The following TUBA1C variants were observed in gnomAD, a reference collection of about 807,000 sequenced individuals.
TUBA1C encodes tubulin alpha-1C chain.
Under a neutral mutation model 34.9 loss-of-function variants are expected in TUBA1C, and 16 were observed. The ratio of observed to expected loss-of-function variants is 0.46; its 90% CI spans 0.31 to 0.70. The LOEUF (loss-of-function observed/expected upper bound fraction) is 0.70, where lower values mean the gene tolerates loss of function less well. TUBA1C is among the 30% of genes least tolerant of loss of function. The pLI is 0.05. For synonymous variants in TUBA1C, 177 were observed against 215.9 expected (o/e 0.82, Z 1.58); for missense variants, 329 against 587.3 (o/e 0.56, Z 4.55).
chr12:49,240,289 A>G (rs534074426), intron 1 of TUBA1C, among the ~76,000 whole-genome samples: 1 of 145,980 alleles, frequency 6.9e-6, no homozygotes, highest in East Asian at 2.0e-4. Context: ...ATATGTGACC[A>G]TTCTCTGAAA....
intron 1 of TUBA1C, among the ~76,000 whole-genome samples, chr12:49,251,487 G>A (rs553269067): frequency 6.6e-6 from 1 of 152,004 alleles, no homozygotes; most frequent in East Asian, 1.9e-4. Flanking sequence ...ATATAAGAGA[G>A]ATTATAGGCT....
intron 1 of TUBA1C, among the ~76,000 whole-genome samples, chr12:49,243,715 G>T (rs1446512216): frequency 6.6e-6 from 1 of 152,094 alleles, no homozygotes; most frequent in Non-Finnish European, 1.5e-5. Flanking sequence ...TGCTGTGAAG[G>T]CTAAGAGGAC....
intron 1 of TUBA1C, among the ~76,000 whole-genome samples, chr12:49,240,769 A>AT (rs989109676): frequency 6.6e-6 from 1 of 151,744 alleles, no homozygotes; most frequent in African/African-American, 2.4e-5. Flanking sequence ...TTTTATTATT[A>AT]TTTTTTTGTA....
chr12:49,258,592 T>A (rs1942810254), intron 1 of TUBA1C, among the ~76,000 whole-genome samples: 1 of 151,748 alleles, frequency 6.6e-6, no homozygotes, highest in South Asian at 2.1e-4. Context: ...AACGCCTGGC[T>A]AATTTTTGTG....
chr12:49,269,140 A>C (rs1191868095), intron 1 of TUBA1C, among the ~76,000 whole-genome samples: 1 of 152,040 alleles, frequency 6.6e-6, no homozygotes, highest in African/African-American at 2.4e-5. Flanking sequence ...GCTCACTGCA[A>C]CCTCCACCTC....
rs147763899 is a variant in TUBA1C, at chr12:49,270,863, T to C, written c.375+887T>C. On this transcript the variant is annotated intron_variant, in intron 3 of 3. Coordinates refer to ENST00000301072, the MANE Select transcript of TUBA1C (RefSeq NM_032704.5). ...GCGTGGTGGTGGGCGCCTGTAGTCCTAGCTACTAGGGAGGCTGAGGCAGGA... is the reference window on the plus strand; with the variant it reads ...GCGTGGTGGTGGGCGCCTGTAGTCCCAGCTACTAGGGAGGCTGAGGCAGGA... Among the ~76,000 whole-genome samples, 387 of 152,066 alleles carry C rather than the reference T, an allele frequency of 2.5e-3. 2 individuals are homozygous for C. The highest frequency in any genetic ancestry group is 0.023 in the East Asian group (121 of 5,162).
At chr12:49,260,405 A>C (rs1243175222), upstream of TUBA1C, among the ~76,000 whole-genome samples, 1 of 152,192 alleles carries the variant, frequency 6.6e-6, no homozygotes, top group Admixed American at 6.5e-5. Context: ...CAGTGGAAAG[A>C]AAATGTGTAA....
intron 3 of TUBA1C, chr12:49,270,230 C>T (rs1179127172): frequency 1.5e-5 from 10 of 655,876 alleles, no homozygotes; most frequent in Non-Finnish European, 2.6e-5. Flanking sequence ...CTTAGTCATA[C>T]TGAGTGAGTA....
At chr12:49,262,330 T>C (rs1046435755), upstream of TUBA1C, among the ~76,000 whole-genome samples, 2 of 147,006 alleles carry the variant, frequency 1.4e-5, no homozygotes, top group Admixed American at 6.9e-5. Context: ...GGCAAGAGGA[T>C]TGCTTGAGCC....
upstream of TUBA1C, chr12:49,265,062 T>A (rs1057239701): frequency 8.1e-6 from 11 of 1,355,376 alleles, no homozygotes; most frequent in South Asian, 1.8e-4. Flanking sequence ...ATAAGGCCCT[T>A]CGGGGCCGGC....
intron 1 of TUBA1C, chr12:49,233,309 C>T (rs117888104): frequency 0.019 from 2,941 of 152,360 alleles, 49 homozygotes; most frequent in Non-Finnish European, 0.029. Context: ...GGTTCCCCTC[C>T]TTTACTTCTG....
chr12:49,256,270 T>G (rs1942783660), intron 1 of TUBA1C: 1 of 334,758 alleles, frequency 3.0e-6, no homozygotes, highest in Non-Finnish European at 6.1e-6. Flanking sequence ...ATAATTTTTT[T>G]TTCCTCTGAA....
rs373044623 is a variant in TUBA1C, at chr12:49,241,741, C to G, written c.213+13575C>G. Among the ~76,000 whole-genome samples, 15 of 151,878 alleles carry G rather than the reference C, an allele frequency of 9.9e-5. No homozygotes were observed. In the East Asian group the frequency reaches 2.1e-3, roughly 22 times the overall value. Reference sequence around the variant, plus strand: ...CTCAGCTCACTGCAACCTCTGCCTCCCGGATTCAAGCAATTCTCCTGCCTC... The same window carrying G: ...CTCAGCTCACTGCAACCTCTGCCTCGCGGATTCAAGCAATTCTCCTGCCTC... On this transcript the variant is annotated intron_variant, in intron 1 of 3. Transcript: ENST00000541364.
chr12:49,255,405 A>AATATATAT (rs142218984), intron 1 of TUBA1C, among the ~76,000 whole-genome samples: 127 of 141,308 alleles, frequency 9.0e-4, no homozygotes, highest in Middle Eastern at 3.8e-3. Flanking sequence ...ATCTTTAAAA[A>AATATATAT]ATATATATAT....
intron 1 of TUBA1C, among the ~76,000 whole-genome samples, chr12:49,235,016 C>G (rs544398200): frequency 3.7e-4 from 56 of 151,766 alleles, no homozygotes; most frequent in Non-Finnish European, 7.4e-4. Flanking sequence ...CGGGGTTTCA[C>G]CATGTTGGTC....
In TUBA1C at chr12:49,272,902, A is replaced by T. The variant is rs1343233743; in HGVS notation, c.1025A>T (p.Gln342Leu). 1 of 1,614,184 alleles carries T rather than the reference A, an allele frequency of 6.2e-7. No individual in the cohort carries two copies. Among genetic ancestry groups the T allele is most frequent in the Non-Finnish European group, 8.5e-7 (1 of 1,180,028 alleles). The change falls in exon 4 of 4, where the codon CAG becomes CTG. Residue 342 changes from glutamine (Q) to leucine (L), a missense_variant. By Grantham distance (113) the Gln-to-Leu change is moderately radical. Coordinates refer to ENST00000301072, the MANE Select transcript of TUBA1C (RefSeq NM_032704.5). Reference protein sequence around the residue: ...IATIKTKRTIQFVDWCPTGFK... With the variant: ...IATIKTKRTILFVDWCPTGFK... The stretch of plus-strand genomic sequence containing the variant: ...ACCATCAAAACCAAGCGTACCATCC[A>T]GTTTGTGGATTGGTGCCCCACTGGC...
At chr12:49,249,987 A>G (rs1213125450) in intron 1 of TUBA1C, among the ~76,000 whole-genome samples, 1 of 151,874 alleles carries the variant, frequency 6.6e-6, no homozygotes, top group Non-Finnish European at 1.5e-5. Flanking sequence ...ACTTGAGGTC[A>G]GGAGTTTGAG....
chr12:49,228,185 T>C, intron 1 of TUBA1C: 3 of 1,535,034 alleles, frequency 2.0e-6, no homozygotes, highest in Non-Finnish European at 2.6e-6. Context: ...GTAATAGTAA[T>C]GTAATGTAAA....
chr12:49,230,940 G>A lies in TUBA1C; in HGVS notation c.213+2774G>A, dbSNP rs142205982. On this transcript the variant is annotated intron_variant, in intron 1 of 3. Coordinates refer to the TUBA1C transcript ENST00000541364. The stretch of plus-strand genomic sequence containing the variant: ...CCTAATAGTAATACTTAAGTCTGTG[G>A]GGTGTGGTCAGATATAAATGAGATA... Among the ~76,000 whole-genome samples, 693 of 152,248 alleles carry A rather than the reference G, an allele frequency of 4.6e-3. 3 individuals carry two copies. Among genetic ancestry groups the A allele is most frequent in the African/African-American group, 0.016 (665 of 41,530 alleles).
Sources: allele counts gnomAD v4.1 joint callset (sites outside exome capture counted in the v4.1 genomes callset), GRCh38; gene constraint gnomAD v4.1.1; transcripts MANE v1.5; gene names NCBI Gene and HGNC (gene_info 2026-07-23, HGNC 2026-07-21).